The following ELF2 variants were observed in gnomAD, a reference collection of about 807,000 sequenced individuals.
ELF2 encodes ETS-related transcription factor Elf-2.
ELF2 carries 11 observed loss-of-function variants against 54.8 expected under a neutral mutation model. That is an observed-to-expected ratio of 0.20 (90% CI 0.13 to 0.33). ELF2 has a LOEUF of 0.33. Ranked by LOEUF, ELF2 falls within the 10% of genes least tolerant of loss-of-function variation. The probability of loss-of-function intolerance (pLI) is 1.00; values close to 1 mark genes in which losing one functional copy is unlikely to be tolerated. For synonymous variants in ELF2, 203 were observed against 245.1 expected, an observed-to-expected ratio of 0.83 and a Z score of 1.61; for missense variants, 513 against 703.0, an observed-to-expected ratio of 0.73 and a Z score of 3.06.
At chr4:139,110,299 G>A (rs374106090) in intron 4 of ELF2, among the ~76,000 whole-genome samples, 1 of 152,104 alleles carries the variant, frequency 6.6e-6, no homozygotes, top group Non-Finnish European at 1.5e-5. Context: ...ATGGGCTTAC[G>A]TCACATTTTC....
chr4:139,112,520 G>A (rs1735057428), intron 4 of ELF2, among the ~76,000 whole-genome samples: 1 of 152,176 alleles, frequency 6.6e-6, no homozygotes, highest in South Asian at 2.1e-4. Context: ...GATTTGCCTA[G>A]GGATATGTGT....
rs201249516 is a variant in ELF2 at position 139,135,229 on chromosome 4, C to CTA, written c.72+2399_72+2400dup. ...TATATATTCTATTATACATATACTA[C>CTA]TATATATATGTGTGTGTGTGTGTGT... is the stretch of plus-strand genomic sequence containing the variant. On this transcript the variant is annotated intron_variant, in intron 3 of 9. Transcript: ENST00000686138. Among the ~76,000 whole-genome samples, 180 of 126,842 alleles carry CTA rather than the reference C, an allele frequency of 1.4e-3. 1 individual carries two copies. Among genetic ancestry groups the CTA allele is most frequent in the Middle Eastern group, 4.8e-3 (1 of 208 alleles). 83.2% of individuals were successfully genotyped at this position (126,842 alleles called of 152,430 possible).
chr4:139,103,603 T>TC (rs889066693), intron 4 of ELF2, among the ~76,000 whole-genome samples: 6 of 152,232 alleles, frequency 3.9e-5, no homozygotes, highest in Admixed American at 6.5e-5. Flanking sequence ...CCCCAATACT[T>TC]CACGCCCTAT....
chr4:139,120,580 A>G (rs1472704740), intron 4 of ELF2, among the ~76,000 whole-genome samples: 2 of 151,944 alleles, frequency 1.3e-5, no homozygotes. Flanking sequence ...CTAGGACTAC[A>G]GGTGCACGCC....
intron 6 of ELF2, among the ~76,000 whole-genome samples, chr4:139,070,490 C>G (rs1048959791): frequency 6.6e-5 from 10 of 151,832 alleles, no homozygotes; most frequent in East Asian, 5.9e-4. Flanking sequence ...AGGGTTTCAT[C>G]ATGTTGACCA....
At chr4:139,150,082 G>A (rs1247888562) in intron 1 of ELF2, among the ~76,000 whole-genome samples, 1 of 152,076 alleles carries the variant, frequency 6.6e-6, no homozygotes, top group Non-Finnish European at 1.5e-5. Context: ...GCTCACGCCT[G>A]TAATCCCAAT....
chr4:139,098,187 T>G (rs1322674966), intron 4 of ELF2, among the ~76,000 whole-genome samples: 2 of 152,242 alleles, frequency 1.3e-5, no homozygotes, highest in African/African-American at 4.8e-5. Flanking sequence ...TTGATACTAT[T>G]TTTAATTTCA....
chr4:139,074,356 T>C (rs72724713), intron 4 of ELF2, among the ~76,000 whole-genome samples: 137 of 152,334 alleles, frequency 9.0e-4, no homozygotes, highest in Non-Finnish European at 1.4e-3. Flanking sequence ...AGAACCATGC[T>C]GCGCTAATTT....
intron 4 of ELF2, among the ~76,000 whole-genome samples, chr4:139,093,745 T>A (rs1318447764): frequency 1.3e-5 from 2 of 152,106 alleles, no homozygotes; most frequent in Non-Finnish European, 2.9e-5. Context: ...CTTAACGTGG[T>A]ATACATTATA....
At position 139,067,783 on chromosome 4, in the gene ELF2, G is replaced by T; in HGVS notation, c.527-13C>A. On this transcript the variant is annotated splice_polypyrimidine_tract_variant and intron_variant, in intron 6 of 9. Transcript: ENST00000686138. ...GGTTTACGGCCAACTGAAAAAATAA[G>T]ATATTGAAACCATACGTTGAAAACA... The T allele has an allele frequency of 6.4e-7, 1 of 1,573,876 alleles. No homozygotes were observed. The highest frequency in any genetic ancestry group is 8.7e-7 in the Non-Finnish European group (1 of 1,154,950).
chr4:139,128,022 A>G (rs1324213553), intron 3 of ELF2, among the ~76,000 whole-genome samples: 16 of 151,994 alleles, frequency 1.1e-4, no homozygotes. Flanking sequence ...GTAATCCCAA[A>G]ACTTTGGGAG....
intron 4 of ELF2, among the ~76,000 whole-genome samples, chr4:139,112,029 T>A (rs1734998633): frequency 6.6e-6 from 1 of 152,226 alleles, no homozygotes; most frequent in Admixed American, 6.5e-5. Flanking sequence ...CTCAAAACTT[T>A]TAAAAGGCTC....
At chr4:139,119,594 A>T (rs939045293) in intron 4 of ELF2, among the ~76,000 whole-genome samples, 1 of 152,186 alleles carries the variant, frequency 6.6e-6, no homozygotes, top group African/African-American at 2.4e-5. Flanking sequence ...CCCATGAGCC[A>T]AAGGACAGAA....
At chr4:139,112,904 A>G (rs1362491669) in intron 4 of ELF2, among the ~76,000 whole-genome samples, 1 of 151,516 alleles carries the variant, frequency 6.6e-6, no homozygotes, top group Non-Finnish European at 1.5e-5. Context: ...CAAAAAAGAT[A>G]AATAAAAAAA....
chr4:139,125,118 CA>C, intron 4 of ELF2, 45 bp downstream of exon 4: 1 of 1,570,870 alleles, frequency 6.4e-7, no homozygotes, highest in Non-Finnish European at 8.6e-7. Context: ...TTGAAGCTTA[CA>C]AAATGAGAAA....
At chr4:139,095,855 G>A (rs1733210949) in intron 4 of ELF2, among the ~76,000 whole-genome samples, 1 of 152,098 alleles carries the variant, frequency 6.6e-6, no homozygotes. Flanking sequence ...GATCAGCCTG[G>A]CCAACATGGT....
intron 8 of ELF2, 83 bp from the exon 9 acceptor site, chr4:139,060,757 TG>T: frequency 8.8e-7 from 1 of 1,134,026 alleles, no homozygotes. Context: ...CCACATACAG[TG>T]GATACTAACA....
In ELF2 at chr4:139,059,001, T is replaced by A; in HGVS notation, c.1764A>T (p.Leu588=). The A allele has an allele frequency of 6.2e-7, 1 of 1,612,274 alleles. No homozygotes were observed. The highest frequency in any genetic ancestry group is 8.5e-7 in the Non-Finnish European group (1 of 1,178,892). The part of the protein sequence containing the change: ...ALPVTMKTEG[L]VTCEK ...TGCTATTTTATTTCTCACATGTCACTAGTCCTTCTGTTTTCATAGTTACAG... is the reference window on the plus strand; with the variant it reads ...TGCTATTTTATTTCTCACATGTCACAAGTCCTTCTGTTTTCATAGTTACAG... Residue 588 remains leucine, a synonymous_variant, in exon 10 of 10, where the codon CTA becomes CTT. Coordinates refer to ENST00000686138, the MANE Select transcript of ELF2 (RefSeq NM_001331036.3).
intron 1 of ELF2, among the ~76,000 whole-genome samples, chr4:139,147,398 G>C (rs1242567407): frequency 1.3e-5 from 2 of 152,224 alleles, no homozygotes; most frequent in Non-Finnish European, 2.9e-5. Flanking sequence ...TATTGGCATG[G>C]ACTTGGTGAA....
Sources: allele counts gnomAD v4.1 joint callset (sites outside exome capture counted in the v4.1 genomes callset), GRCh38; gene constraint gnomAD v4.1.1; transcripts MANE v1.5; gene names NCBI Gene and HGNC (gene_info 2026-07-23, HGNC 2026-07-21).